NRG3: variants seen among roughly 807,000 people sequenced by gnomAD.
NRG3 encodes pro-neuregulin-3, membrane-bound isoform.
NRG3 carries 31 observed loss-of-function variants against 66.9 expected under a neutral mutation model. That is an observed-to-expected ratio of 0.46 (90% CI 0.35 to 0.63). The LOEUF (loss-of-function observed/expected upper bound fraction) is 0.63. NRG3 is among the 20% of genes least tolerant of loss of function. The pLI, the probability that NRG3 is intolerant of heterozygous loss-of-function variation, is 0.00. For synonymous variants in NRG3, 393 were observed against 359.4 expected (o/e 1.09, Z -1.06); for missense variants, 910 against 878.9 (o/e 1.04, Z -0.45).
chr10:82,362,248 A>C (rs988036096), intron 2 of NRG3, among the ~76,000 whole-genome samples: 2 of 146,896 alleles, frequency 1.4e-5, no homozygotes, highest in Non-Finnish European at 3.0e-5. Context: ...AATTAAAAAA[A>C]AAAAACTTGA....
intron 1 of NRG3, among the ~76,000 whole-genome samples, chr10:81,894,615 A>G (rs1221344000): frequency 6.6e-6 from 1 of 152,214 alleles, no homozygotes; most frequent in East Asian, 1.9e-4. Flanking sequence ...GAGCAGAAAC[A>G]CACGCACTAA....
At chr10:82,020,016 T>C (rs575073645) in intron 1 of NRG3, among the ~76,000 whole-genome samples, 2 of 152,266 alleles carry the variant, frequency 1.3e-5, no homozygotes, top group South Asian at 4.1e-4. Context: ...TCTAGTTCTT[T>C]TAATTGTGAT....
At chr10:82,709,563 T>A (rs1265719898) in intron 2 of NRG3, among the ~76,000 whole-genome samples, 1 of 152,058 alleles carries the variant, frequency 6.6e-6, no homozygotes, top group Non-Finnish European at 1.5e-5. Flanking sequence ...TGTATGTTAG[T>A]AGAGACGGGG....
At chr10:82,601,274 T>C (rs1191395952) in intron 2 of NRG3, among the ~76,000 whole-genome samples, 2 of 152,238 alleles carry the variant, frequency 1.3e-5, no homozygotes, top group Non-Finnish European at 2.9e-5. Context: ...GATATCTTTT[T>C]GGTAAAATGA....
rs114577150 is a variant in NRG3, at chr10:82,906,625, T to G, written c.1054+41188T>G. 5.2e-4 allele frequency among the ~76,000 whole-genome samples: 79 copies of G among 152,310 alleles called. 1 individual carries two copies. The highest frequency in any genetic ancestry group is 1.9e-3 in the African/African-American group (79 of 41,562). ...ACCACAAGACATCATGAAATTTAAATTAAAACATGTCCAGTAGGAAAAAAG... is the reference window on the plus strand; with the variant it reads ...ACCACAAGACATCATGAAATTTAAAGTAAAACATGTCCAGTAGGAAAAAAG... On this transcript the variant is annotated intron_variant, in intron 4 of 8. Transcript: ENST00000372141.
intron 1 of NRG3, among the ~76,000 whole-genome samples, chr10:82,349,659 C>T (rs1283719999): frequency 6.6e-6 from 1 of 151,776 alleles, no homozygotes; most frequent in Non-Finnish European, 1.5e-5. Flanking sequence ...CGCCCCTCCC[C>T]CAACCTCGCT....
At chr10:82,130,803 A>T (rs73320345) in intron 1 of NRG3, among the ~76,000 whole-genome samples, 9,910 of 152,074 alleles carry the variant, frequency 0.065, 432 homozygotes, top group South Asian at 0.14. Flanking sequence ...GTTGTTAAGC[A>T]CCTTTTCATC....
chr10:82,718,266 C>A (rs984967957), intron 2 of NRG3, among the ~76,000 whole-genome samples: 5 of 152,088 alleles, frequency 3.3e-5, no homozygotes, highest in Admixed American at 6.5e-5. Context: ...CCTTGCTTAG[C>A]TTCTGACTCT....
intron 2 of NRG3, among the ~76,000 whole-genome samples, chr10:82,400,627 G>T (rs952153711): frequency 1.3e-5 from 2 of 151,592 alleles, no homozygotes; most frequent in Non-Finnish European, 2.9e-5. Context: ...GAGTGCAGTG[G>T]TGTGATCATA....
At chr10:82,832,804 T>TTGTGTGTGTGTG (rs139438548) in intron 3 of NRG3, among the ~76,000 whole-genome samples, 7 of 148,008 alleles carry the variant, frequency 4.7e-5, no homozygotes, top group East Asian at 2.0e-4. Context: ...ATGCATGTAA[T>TTGTGTGTGTGTG]TGTGTGTGTG....
intron 2 of NRG3, among the ~76,000 whole-genome samples, chr10:82,642,803 T>C (rs1366890935): frequency 6.6e-6 from 1 of 152,068 alleles, no homozygotes; most frequent in Non-Finnish European, 1.5e-5. Flanking sequence ...CATTTAGATA[T>C]GTGAACACTG....
At chr10:82,089,360 G>C (rs556389664) in intron 1 of NRG3, among the ~76,000 whole-genome samples, 2 of 152,166 alleles carry the variant, frequency 1.3e-5, no homozygotes, top group East Asian at 3.9e-4. Context: ...CGTTCTTATT[G>C]ATTATAACTG....
At chr10:82,200,442 A>G (rs1339987924) in intron 1 of NRG3, among the ~76,000 whole-genome samples, 1 of 152,196 alleles carries the variant, frequency 6.6e-6, no homozygotes, top group East Asian at 1.9e-4. Context: ...GTAATTAACA[A>G]ATGAAAGAAA....
At chr10:82,232,453 C>T in intron 1 of NRG3, 1 of 286,650 alleles carries the variant, frequency 3.5e-6, no homozygotes, top group Non-Finnish European at 6.9e-6. Context: ...CTGACATCCC[C>T]ACTCCCTCTG....
chr10:82,098,406 A>C (rs1279303640), intron 1 of NRG3, among the ~76,000 whole-genome samples: 1 of 152,056 alleles, frequency 6.6e-6, no homozygotes. Context: ...AAAAGCAAAC[A>C]ACTTATTGCT....
Position 82,921,539 on chromosome 10 carries a change from T to C in NRG3, c.1055-29930T>C, listed in dbSNP as rs144315493. On this transcript the variant is annotated intron_variant, in intron 4 of 8. Transcript: ENST00000372141. The stretch of plus-strand genomic sequence containing the variant: ...GATAGGTGAAACTTGGTATGGAATA[T>C]AAGTGAAATTTCTCTACTATCTTCA... 5.0e-3 allele frequency among the ~76,000 whole-genome samples: 769 copies of C among 152,282 alleles called. 6 individuals carry two copies. The highest frequency in any genetic ancestry group is 0.018 in the African/African-American group (728 of 41,564).
intron 2 of NRG3, among the ~76,000 whole-genome samples, chr10:82,476,842 A>C (rs1035787109): frequency 3.3e-5 from 5 of 152,180 alleles, no homozygotes; most frequent in Non-Finnish European, 7.3e-5. Context: ...AAAATGGTTA[A>C]ATAAGAAATT....
chr10:82,574,367 T>C (rs374671050), intron 2 of NRG3, among the ~76,000 whole-genome samples: 1 of 151,736 alleles, frequency 6.6e-6, no homozygotes, highest in South Asian at 2.1e-4. Flanking sequence ...AGAATGATGG[T>C]TACCAAAGGC....
chr10:82,298,822 C>T (rs186477499), intron 1 of NRG3, among the ~76,000 whole-genome samples: 1 of 152,176 alleles, frequency 6.6e-6, no homozygotes, highest in Non-Finnish European at 1.5e-5. Flanking sequence ...GAAAAATCTG[C>T]CTTTACTCCA....
Sources: gnomAD v4.1 joint callset for allele counts (sites outside exome capture counted in the v4.1 genomes callset) on GRCh38, gnomAD v4.1.1 for gene constraint, MANE v1.5 for transcripts, NCBI Gene and HGNC (gene_info 2026-07-23, HGNC 2026-07-21) for gene names.